The following ST7 variants were observed in gnomAD, a reference collection of about 807,000 sequenced individuals.
ST7 encodes the protein suppression of tumorigenicity 7.
Under a neutral mutation model 78.7 loss-of-function variants are expected in ST7, and 28 were observed. The ratio of observed to expected loss-of-function variants is 0.36; its 90% CI spans 0.26 to 0.49. The LOEUF is 0.49. ST7 is among the 20% of genes least tolerant of loss of function. The pLI is 0.99. For synonymous variants in ST7, 247 were observed against 249.6 expected (o/e 0.99, Z 0.10); for missense variants, 418 against 696.0 (o/e 0.60, Z 4.49).
intron 1 of ST7, among the ~76,000 whole-genome samples, chr7:117,022,458 T>A (rs7781270): frequency 0.98 from 149,582 of 152,246 alleles, 73,544 homozygotes; most frequent in East Asian, 1. Context: ...AAAAGAAGAT[T>A]CCCTAAGTCT....
intron 1 of ST7, among the ~76,000 whole-genome samples, chr7:117,040,545 GT>G (rs1797158113): frequency 6.6e-6 from 1 of 152,216 alleles, no homozygotes; most frequent in African/African-American, 2.4e-5. Context: ...TCTTCGCATA[GT>G]AAATACCCTC....
At chr7:116,990,737 G>A (rs1416878492) in intron 1 of ST7, among the ~76,000 whole-genome samples, 1 of 151,876 alleles carries the variant, frequency 6.6e-6, no homozygotes, top group Non-Finnish European at 1.5e-5. Flanking sequence ...TATATACCTG[G>A]CACTGACTGT....
chr7:117,112,955 AGATT>A (rs1013114562), intron 2 of ST7, among the ~76,000 whole-genome samples: 11 of 152,248 alleles, frequency 7.2e-5, no homozygotes, highest in African/African-American at 2.7e-4. Context: ...CAAAGAAAGT[AGATT>A]GATACCTCTC....
chr7:117,194,477 G>C (rs970031854), intron 12 of ST7, among the ~76,000 whole-genome samples: 1 of 152,072 alleles, frequency 6.6e-6, no homozygotes, highest in African/African-American at 2.4e-5. Context: ...TCTCCTCCGT[G>C]GTGTCTCACT....
chr7:117,185,088 C>T (rs1809131908), intron 10 of ST7, among the ~76,000 whole-genome samples: 1 of 152,138 alleles, frequency 6.6e-6, no homozygotes, highest in Non-Finnish European at 1.5e-5. Flanking sequence ...TATGGTTCTT[C>T]TTAATGGTGA....
At position 117,026,590 on chromosome 7, in the gene ST7, A is replaced by G. The variant is rs527406812; in HGVS notation, c.151+72899A>G. Among the ~76,000 whole-genome samples the G allele has an allele frequency of 1.8e-4, 28 of 152,368 alleles. 1 individual carries two copies. The highest frequency in any genetic ancestry group is 1.8e-3 in the Admixed American group (28 of 15,304). ...TAATGCATGTTTAGAAATGGCAGCA[A>G]CCACATGCCAGATGCAGCAACTAAT... is the stretch of plus-strand genomic sequence containing the variant. On this transcript the variant is annotated intron_variant, in intron 1 of 15. Coordinates refer to ENST00000323984, the MANE Select transcript of ST7 (RefSeq NM_001369598.1).
chr7:117,189,531 C>G (rs1584550806), intron 11 of ST7, 138 bp downstream of exon 11: 1 of 538,022 alleles, frequency 1.9e-6, no homozygotes, highest in Non-Finnish European at 3.2e-6. Flanking sequence ...ACCTGCTGTT[C>G]TTTTCTTTCA....
intron 2 of ST7, among the ~76,000 whole-genome samples, chr7:117,110,673 C>T (rs951263129): frequency 2.6e-5 from 4 of 152,294 alleles, no homozygotes; most frequent in African/African-American, 4.8e-5. Flanking sequence ...CTAGCAGTAG[C>T]GTGGTGTAGA....
At chr7:117,206,095 CATT>C (rs755184850) in intron 12 of ST7, among the ~76,000 whole-genome samples, 5 of 152,176 alleles carry the variant, frequency 3.3e-5, no homozygotes, top group Non-Finnish European at 5.9e-5. Context: ...AAACATAACA[CATT>C]GTTGTTATTA....
rs143101768 is a variant in ST7 at position 117,107,206 on chromosome 7, G to A, written c.234+7362G>A. On this transcript the variant is annotated intron_variant, in intron 2 of 15. Coordinates refer to ENST00000323984, the MANE Select transcript of ST7 (RefSeq NM_001369598.1). Reference sequence around the variant, plus strand: ...GGACTGGTTCCATATTTTTGCTATTGCAAATTGTGCTGCTATAAACATGCG... The same window carrying A: ...GGACTGGTTCCATATTTTTGCTATTACAAATTGTGCTGCTATAAACATGCG... Among the ~76,000 whole-genome samples, 386 of 152,010 alleles carry A rather than the reference G, an allele frequency of 2.5e-3. 1 individual carries two copies. The highest frequency in any genetic ancestry group is 8.5e-3 in the African/African-American group (353 of 41,444).
At chr7:116,971,901 T>C (rs1793444775) in intron 1 of ST7, among the ~76,000 whole-genome samples, 1 of 152,246 alleles carries the variant, frequency 6.6e-6, no homozygotes, top group Non-Finnish European at 1.5e-5. Context: ...CATCACAATA[T>C]GCCTTTTAAA....
chr7:117,179,551 A>G (rs1203073319), intron 10 of ST7, among the ~76,000 whole-genome samples: 1 of 152,232 alleles, frequency 6.6e-6, no homozygotes, highest in Non-Finnish European at 1.5e-5. Flanking sequence ...ACTGGACAGC[A>G]AAGGTGCTTG....
At chr7:117,203,858 G>A (rs1811090734) in intron 12 of ST7, among the ~76,000 whole-genome samples, 1 of 152,130 alleles carries the variant, frequency 6.6e-6, no homozygotes, top group African/African-American at 2.4e-5. Context: ...ATACACAAAG[G>A]ATCCTTCCAT....
intron 2 of ST7, among the ~76,000 whole-genome samples, chr7:117,108,439 C>A (rs1249962457): frequency 2.6e-5 from 4 of 152,154 alleles, no homozygotes; most frequent in Non-Finnish European, 5.9e-5. Context: ...CATTCTGTTT[C>A]ATAGGTCTAT....
At chr7:116,955,005 A>G (rs897848470) in intron 1 of ST7, 10 of 391,406 alleles carry the variant, frequency 2.6e-5, no homozygotes, top group African/African-American at 2.1e-4. Context: ...TGGGAGGCGG[A>G]TAGGATTCAG....
chr7:117,091,294 A>C (rs1800590689), intron 1 of ST7, among the ~76,000 whole-genome samples: 1 of 152,222 alleles, frequency 6.6e-6, no homozygotes, highest in Non-Finnish European at 1.5e-5. Context: ...GCAACAAATG[A>C]GGAAAAGAAG....
At chr7:117,153,751 A>G (rs569338033) in intron 9 of ST7, among the ~76,000 whole-genome samples, 2 of 152,354 alleles carry the variant, frequency 1.3e-5, no homozygotes, top group East Asian at 1.9e-4. Flanking sequence ...AAGCAAGATC[A>G]GTAGAATGTA....
chr7:117,179,789 C>G (rs1480603399), intron 10 of ST7, among the ~76,000 whole-genome samples: 2 of 151,902 alleles, frequency 1.3e-5, no homozygotes, highest in African/African-American at 4.8e-5. Flanking sequence ...TCAGGTAGGG[C>G]TTCAGTCGAG....
intron 1 of ST7, among the ~76,000 whole-genome samples, chr7:116,966,998 G>A (rs151194053): frequency 6.6e-6 from 1 of 152,170 alleles, no homozygotes; most frequent in African/African-American, 2.4e-5. Context: ...AAAAATTAAT[G>A]TATCACTTGT....
Sources: allele counts gnomAD v4.1 joint callset (sites outside exome capture counted in the v4.1 genomes callset), GRCh38; gene constraint gnomAD v4.1.1; transcripts MANE v1.5; gene names NCBI Gene and HGNC (gene_info 2026-07-23, HGNC 2026-07-21).